Variants in CNTN4 observed in about 807,000 individuals in gnomAD.
CNTN4 encodes the protein contactin-4.
CNTN4 carries 77 observed loss-of-function variants against 122.5 expected under a neutral mutation model. The ratio of observed to expected loss-of-function variants is 0.63; its 90% CI spans 0.52 to 0.76. The LOEUF is 0.76. Among genes scored for constraint, CNTN4 ranks in the 30% least tolerant of loss-of-function variants. The pLI is 0.00. For synonymous variants in CNTN4, 512 were observed against 447.0 expected, an observed-to-expected ratio of 1.15 and a Z score of -1.83; for missense variants, 1,256 against 1,259.1, an observed-to-expected ratio of 1.00 and a Z score of 0.04.
intron 4 of CNTN4, among the ~76,000 whole-genome samples, chr3:2,647,204 G>T (rs1274243813): frequency 1.3e-5 from 2 of 151,926 alleles, no homozygotes; most frequent in African/African-American, 4.8e-5. Flanking sequence ...AACATGGTGA[G>T]ACCCCGTCCC....
At chr3:2,956,000 T>C (rs781426692) in intron 13 of CNTN4, among the ~76,000 whole-genome samples, 3 of 152,300 alleles carry the variant, frequency 2.0e-5, no homozygotes, top group Non-Finnish European at 4.4e-5. Context: ...TCCATGTTCA[T>C]TGCAGCATTA....
intron 14 of CNTN4, among the ~76,000 whole-genome samples, chr3:2,992,988 C>T (rs1452850941): frequency 6.6e-6 from 1 of 151,960 alleles, no homozygotes; most frequent in Non-Finnish European, 1.5e-5. Flanking sequence ...ATAAATACCC[C>T]AATTGATCCT....
intron 3 of CNTN4, among the ~76,000 whole-genome samples, chr3:2,508,678 C>T (rs540203048): frequency 6.6e-6 from 1 of 152,152 alleles, no homozygotes; most frequent in East Asian, 1.9e-4. Context: ...AATACCAAGT[C>T]TAAAACAATC....
chr3:2,207,172 G>A (rs75578738), intron 2 of CNTN4, among the ~76,000 whole-genome samples: 1 of 151,912 alleles, frequency 6.6e-6, no homozygotes, highest in Admixed American at 6.6e-5. Flanking sequence ...GCTACCAGCC[G>A]TTCCTAGTCT....
intron 14 of CNTN4, among the ~76,000 whole-genome samples, chr3:2,991,600 C>T (rs755733504): frequency 1.3e-5 from 2 of 152,036 alleles, no homozygotes; most frequent in Non-Finnish European, 1.5e-5. Context: ...ATGGGAAGTA[C>T]GTGTGTCTGC....
At chr3:2,909,096 A>C (rs1483325973) in intron 12 of CNTN4, among the ~76,000 whole-genome samples, 2 of 152,226 alleles carry the variant, frequency 1.3e-5, no homozygotes, top group East Asian at 1.9e-4. Context: ...ACAAGTGCTC[A>C]TCTGCATCTG....
At chr3:2,684,511 A>G (rs2085332079) in intron 4 of CNTN4, among the ~76,000 whole-genome samples, 1 of 152,158 alleles carries the variant, frequency 6.6e-6, no homozygotes, top group Non-Finnish European at 1.5e-5. Flanking sequence ...CCTACAGTAG[A>G]GTCTAATGCT....
rs140917080 is a variant in CNTN4 at position 2,598,313 on chromosome 3, A to G, written c.55+26755A>G. Among the ~76,000 whole-genome samples, 570 of 152,306 alleles carry G rather than the reference A, an allele frequency of 3.7e-3. 4 individuals carry two copies. Among genetic ancestry groups the G allele is most frequent in the African/African-American group, 0.013 (542 of 41,564 alleles). On this transcript the variant is annotated intron_variant, in intron 4 of 24. Transcript: ENST00000418658. ...GTAAATTGCAGTGGTATTAGCAAGT[A>G]CAATTGCATACTCTTAATCATCTTG...
chr3:2,650,511 G>A (rs2083314157), intron 4 of CNTN4, among the ~76,000 whole-genome samples: 1 of 152,160 alleles, frequency 6.6e-6, no homozygotes, highest in South Asian at 2.1e-4. Context: ...AATTCCTACT[G>A]CGGATAAAAT....
chr3:2,382,823 C>A (rs1220752761), intron 3 of CNTN4, among the ~76,000 whole-genome samples: 1 of 152,110 alleles, frequency 6.6e-6, no homozygotes, highest in Non-Finnish European at 1.5e-5. Flanking sequence ...CCTGTAACCC[C>A]AGCACTTCGG....
intron 13 of CNTN4, among the ~76,000 whole-genome samples, chr3:2,967,163 T>TC (rs1338522645): frequency 1.3e-5 from 2 of 152,110 alleles, no homozygotes; most frequent in Non-Finnish European, 2.9e-5. Context: ...AGTCAGGAGT[T>TC]CTGATTGGTT....
At chr3:2,849,391 C>A (rs1432527561) in intron 7 of CNTN4, among the ~76,000 whole-genome samples, 5 of 152,158 alleles carry the variant, frequency 3.3e-5, no homozygotes, top group African/African-American at 4.8e-5. Context: ...TGTGCACTTA[C>A]AAATGATTAA....
chr3:2,336,511 A>G (rs953364852), intron 2 of CNTN4, among the ~76,000 whole-genome samples: 2 of 152,166 alleles, frequency 1.3e-5, no homozygotes, highest in African/African-American at 4.8e-5. Flanking sequence ...TCATTTCTAC[A>G]GGCACAAAGC....
At chr3:2,809,228 C>A (rs78359617) in intron 6 of CNTN4, among the ~76,000 whole-genome samples, 1 of 152,118 alleles carries the variant, frequency 6.6e-6, no homozygotes, top group Non-Finnish European at 1.5e-5. Flanking sequence ...AGTCAGGTCA[C>A]GGTTGACTTT....
chr3:2,353,315 C>T (rs543207675), intron 3 of CNTN4, among the ~76,000 whole-genome samples: 22 of 152,180 alleles, frequency 1.4e-4, no homozygotes, highest in Non-Finnish European at 2.8e-4. Flanking sequence ...GACCAATCAA[C>T]TCTCTATAAA....
chr3:2,327,475 C>T (rs564090201), intron 2 of CNTN4, among the ~76,000 whole-genome samples: 6 of 151,968 alleles, frequency 3.9e-5, no homozygotes, highest in Non-Finnish European at 8.8e-5. Context: ...TTTGTTTTAG[C>T]GTTCAGGAGG....
At chr3:2,556,625 T>C (rs1245185116) in intron 3 of CNTN4, among the ~76,000 whole-genome samples, 1 of 152,020 alleles carries the variant, frequency 6.6e-6, no homozygotes, top group Non-Finnish European at 1.5e-5. Flanking sequence ...ATAAATTTTA[T>C]ATATGTGTAC....
chr3:2,844,025 A>T (rs2093411559), intron 7 of CNTN4, among the ~76,000 whole-genome samples: 1 of 151,844 alleles, frequency 6.6e-6, no homozygotes, highest in Admixed American at 6.6e-5. Flanking sequence ...TGTCCCCACA[A>T]CCCCCATCCT....
At chr3:2,569,094 A>G (rs983653562) in intron 3 of CNTN4, among the ~76,000 whole-genome samples, 1 of 152,236 alleles carries the variant, frequency 6.6e-6, no homozygotes, top group Non-Finnish European at 1.5e-5. Flanking sequence ...GTATCTGAAC[A>G]TATCCAATTA....
Sources: gnomAD v4.1 joint callset for allele counts (sites outside exome capture counted in the v4.1 genomes callset) on GRCh38, gnomAD v4.1.1 for gene constraint, MANE v1.5 for transcripts, NCBI Gene and HGNC (gene_info 2026-07-23, HGNC 2026-07-21) for gene names.